GRIA3: variants seen among roughly 807,000 people sequenced by gnomAD.
GRIA3 encodes the protein glutamate receptor 3.
Under a neutral mutation model 63.0 loss-of-function variants are expected in GRIA3, and 3 were observed. That is an observed-to-expected ratio of 0.05 (90% CI 0.02 to 0.12). GRIA3 has a LOEUF of 0.12. GRIA3 is among the 10% of genes least tolerant of loss of function. The pLI is 1.00. For missense variants in GRIA3, 347 were observed against 700.9 expected, an observed-to-expected ratio of 0.50 and a Z score of 5.70; for synonymous variants, 274 against 257.9, an observed-to-expected ratio of 1.06 and a Z score of -0.60.
At chrX:123,484,296 T>G in intron 15 of GRIA3, among the ~76,000 whole-genome samples, 1 of 112,518 alleles carries the variant, frequency 8.9e-6, no homozygotes, top group Non-Finnish European at 1.9e-5. Flanking sequence ...TACTTTAAAG[T>G]GCATCTGTCA....
chrX:123,369,428 T>C (rs1265198854), intron 5 of GRIA3, among the ~76,000 whole-genome samples: 1 of 111,746 alleles, frequency 8.9e-6, no homozygotes, highest in Non-Finnish European at 1.9e-5. Flanking sequence ...CATTCATCCC[T>C]TTTTTCCCAG....
At chrX:123,434,546 T>C (rs910352702) in intron 12 of GRIA3, among the ~76,000 whole-genome samples, 2 of 111,928 alleles carry the variant, frequency 1.8e-5, no homozygotes, top group African/African-American at 6.5e-5. Flanking sequence ...AATTTTGACA[T>C]GGCTGTTTTG....
intron 3 of GRIA3, among the ~76,000 whole-genome samples, chrX:123,313,575 C>A (rs1239896360): frequency 1.8e-5 from 2 of 111,267 alleles, no homozygotes; most frequent in Non-Finnish European, 3.8e-5. Context: ...TCACTGGTAA[C>A]CATCATTCAT....
intron 13 of GRIA3, among the ~76,000 whole-genome samples, chrX:123,470,062 C>T (rs1243075043): frequency 2.7e-5 from 3 of 111,720 alleles, no homozygotes; most frequent in Non-Finnish European, 5.6e-5. Context: ...AAAATAGACT[C>T]CCAGTTTCCA....
chrX:123,246,312 T>G (rs773163248), intron 2 of GRIA3, among the ~76,000 whole-genome samples: 2 of 112,135 alleles, frequency 1.8e-5, no homozygotes, highest in South Asian at 7.5e-4. Context: ...CATACAGTTC[T>G]GTAGGTCAGA....
chrX:123,247,871 G>C lies in GRIA3; in HGVS notation c.269-5432G>C, dbSNP rs191632044. Reference sequence around the variant, plus strand: ...GAGCTAACAGAGGGCAAAGTACACAGAGAGAGAGAGAGAGGTGAAGCTGAT... The same window carrying C: ...GAGCTAACAGAGGGCAAAGTACACACAGAGAGAGAGAGAGGTGAAGCTGAT... On this transcript the variant is annotated intron_variant, in intron 2 of 15. Coordinates refer to ENST00000620443, the MANE Select transcript of GRIA3 (RefSeq NM_007325.5). Among the ~76,000 whole-genome samples the C allele has an allele frequency of 3.6e-4, 40 of 109,804 alleles. 1 individual carries two copies. In the East Asian group the frequency reaches 7.1e-3, roughly 19 times the overall value.
chrX:123,486,607 A>C (rs1397345615), intron 15 of GRIA3, among the ~76,000 whole-genome samples: 2 of 111,482 alleles, frequency 1.8e-5, no homozygotes, highest in African/African-American at 6.5e-5. Context: ...CTGCTTTGAA[A>C]CCTCTCTGTT....
At chrX:123,465,362 G>A (rs2045828937) in intron 13 of GRIA3, among the ~76,000 whole-genome samples, 1 of 110,774 alleles carries the variant, frequency 9.0e-6, no homozygotes, top group African/African-American at 3.3e-5. Flanking sequence ...ACAGTTCAAC[G>A]GCTTTTTCAA....
chrX:123,272,586 C>A (rs966787597), intron 3 of GRIA3, among the ~76,000 whole-genome samples: 35 of 111,564 alleles, frequency 3.1e-4, no homozygotes, highest in African/African-American at 1.1e-3. Context: ...CAAATGTGTG[C>A]AAATCACCCT....
intron 2 of GRIA3, among the ~76,000 whole-genome samples, chrX:123,240,244 C>G: frequency 8.9e-6 from 1 of 112,272 alleles, no homozygotes; most frequent in East Asian, 2.8e-4. Context: ...TACACAGAGC[C>G]AGAACAACCT....
At chrX:123,202,790 C>G in intron 2 of GRIA3, 1 of 1,157,814 alleles carries the variant, frequency 8.6e-7, no homozygotes, top group African/African-American at 1.8e-5. Flanking sequence ...GGGGTAAGTG[C>G]CCATAGTTTG....
chrX:123,255,327 T>A (rs1267970413), intron 3 of GRIA3, among the ~76,000 whole-genome samples: 1 of 111,644 alleles, frequency 9.0e-6, no homozygotes, highest in Admixed American at 9.5e-5. Flanking sequence ...TGTGTTCAGG[T>A]AGAGCCCTGT....
intron 8 of GRIA3, 101 bp from the exon 9 acceptor site, chrX:123,403,311 T>G (rs749551898): frequency 4.1e-5 from 27 of 657,127 alleles, no homozygotes; most frequent in Non-Finnish European, 6.4e-5. Flanking sequence ...TCAATCCTTA[T>G]AGAGCTCAAG....
At chrX:123,446,023 C>T (rs1279099673) in intron 12 of GRIA3, among the ~76,000 whole-genome samples, 3 of 111,570 alleles carry the variant, frequency 2.7e-5, no homozygotes, top group Non-Finnish European at 1.9e-5. Context: ...ACTTACTTGC[C>T]TATGTTGAGC....
intron 12 of GRIA3, among the ~76,000 whole-genome samples, chrX:123,458,878 T>A (rs966225693): frequency 1.7e-4 from 19 of 111,790 alleles, no homozygotes; most frequent in African/African-American, 6.2e-4. Context: ...TCACCAGGCA[T>A]ATGTCTGGAG....
At chrX:123,264,822 T>A (rs889323675) in intron 3 of GRIA3, among the ~76,000 whole-genome samples, 1 of 111,826 alleles carries the variant, frequency 8.9e-6, no homozygotes, top group South Asian at 3.8e-4. Context: ...AGAATCTTTG[T>A]CACCACATGT....
chrX:123,191,451 G>A (rs1927432482), intron 2 of GRIA3, among the ~76,000 whole-genome samples: 1 of 112,040 alleles, frequency 8.9e-6, no homozygotes, highest in Non-Finnish European at 1.9e-5. Context: ...CTCAGCCCGT[G>A]TGTGGGATGA....
chrX:123,294,531 T>C (rs1009642016), intron 3 of GRIA3, among the ~76,000 whole-genome samples: 4 of 111,438 alleles, frequency 3.6e-5, no homozygotes, highest in African/African-American at 1.3e-4. Flanking sequence ...TTTGATGGTA[T>C]GTAGCCTTGA....
At chrX:123,401,110 A>C (rs2045441180) in intron 7 of GRIA3, among the ~76,000 whole-genome samples, 1 of 111,793 alleles carries the variant, frequency 8.9e-6, no homozygotes, top group Non-Finnish European at 1.9e-5. Flanking sequence ...CTATGAATTA[A>C]AGAAGGGATC....
Sources: allele counts gnomAD v4.1 joint callset (sites outside exome capture counted in the v4.1 genomes callset), GRCh38; gene constraint gnomAD v4.1.1; transcripts MANE v1.5; gene names NCBI Gene and HGNC (gene_info 2026-07-23, HGNC 2026-07-21).